SIN3A: variants seen among roughly 807,000 people sequenced by gnomAD.
SIN3A encodes the protein SIN3 transcription regulator family member A.
Under a neutral mutation model 146.1 loss-of-function variants are expected in SIN3A, and 14 were observed. That is an observed-to-expected ratio of 0.10 (90% CI 0.06 to 0.15). The LOEUF (loss-of-function observed/expected upper bound fraction) is 0.15, where lower values mean the gene tolerates loss of function less well. Among genes scored for constraint, SIN3A ranks in the 10% least tolerant of loss-of-function variants. The pLI, the probability that SIN3A is intolerant of heterozygous loss-of-function variation, is 1.00. For missense variants in SIN3A, 1,028 were observed against 1,576.0 expected (o/e 0.65, Z 5.89); for synonymous variants, 572 against 572.0 (o/e 1.00, Z 0.00).
chr15:75,444,154 T>A (rs1192184518), intron 1 of SIN3A, among the ~76,000 whole-genome samples: 1 of 152,210 alleles, frequency 6.6e-6, no homozygotes, highest in Non-Finnish European at 1.5e-5. Flanking sequence ...AAAATGAGTT[T>A]ATTCCTTTGG....
chr15:75,418,101 A>G (rs1238971725), intron 3 of SIN3A, among the ~76,000 whole-genome samples: 1 of 150,942 alleles, frequency 6.6e-6, no homozygotes, highest in Non-Finnish European at 1.5e-5. Context: ...GCACGATCTC[A>G]GCTCAATACA....
intron 1 of SIN3A, among the ~76,000 whole-genome samples, chr15:75,447,056 C>T (rs963868380): frequency 2.6e-5 from 4 of 152,164 alleles, no homozygotes; most frequent in Admixed American, 6.5e-5. Flanking sequence ...CATGGGCCAC[C>T]GCGCCCAGCT....
intron 3 of SIN3A, 42 bp from the exon 4 acceptor site, chr15:75,414,353 G>T: frequency 1.8e-6 from 2 of 1,102,834 alleles, no homozygotes; most frequent in Non-Finnish European, 2.5e-6. Context: ...AAGAAAGTAA[G>T]CTCATAATTA....
chr15:75,387,897 C>G (rs1263676761), intron 16 of SIN3A, among the ~76,000 whole-genome samples: 1 of 152,074 alleles, frequency 6.6e-6, no homozygotes, highest in Non-Finnish European at 1.5e-5. Context: ...CTGCCAGTTA[C>G]CATCCAGACC....
chr15:75,382,182 G>A (rs1400564093), intron 17 of SIN3A, among the ~76,000 whole-genome samples: 3 of 152,138 alleles, frequency 2.0e-5, no homozygotes, highest in African/African-American at 4.8e-5. Flanking sequence ...AGACAAAACT[G>A]AAATTCAGAA....
At position 75,430,288 on chromosome 15, in the gene SIN3A, G is replaced by A; in HGVS notation, c.88C>T (p.Gln30Ter). 1 of 1,614,152 alleles carries A rather than the reference G, an allele frequency of 6.2e-7. No homozygotes were observed. The highest frequency in any genetic ancestry group is 8.5e-7 in the Non-Finnish European group (1 of 1,180,028). The change falls in exon 2 of 21, where the codon CAG becomes TAG. Residue 30 changes from glutamine (Q) to a stop codon, truncating the protein, a stop_gained. Transcript: ENST00000394947. LOFTEE classifies it high-confidence loss of function. ...GGGGCAGGGGCAAGCACCCGGTGCTGGTGAGGAAAAGCCTCTGTGCTGCCA... is the reference window on the plus strand; with the variant it reads ...GGGGCAGGGGCAAGCACCCGGTGCTAGTGAGGAAAAGCCTCTGTGCTGCCA... ...IPGSTEAFPH[Q>*]HRVLAPAPPV...
chr15:75,441,892 G>A (rs1030951646), intron 1 of SIN3A, among the ~76,000 whole-genome samples: 11 of 151,720 alleles, frequency 7.3e-5, no homozygotes, highest in Non-Finnish European at 8.8e-5. Context: ...AGGCCGAGGC[G>A]GGTGGATCAC....
chr15:75,370,102 T>C lies in SIN3A; in HGVS notation c.*1877A>G, dbSNP rs1009833629. ...CTGTCTCTACAAAAAGTTAAAAAAT[T>C]AGCTGGGCGTGGTGGCATGCAGCTA... On this transcript the variant is annotated 3_prime_UTR_variant, in exon 21 of 21. Transcript: ENST00000394947. 4 of 151,762 alleles carry C rather than the reference T, an allele frequency of 2.6e-5. No individual in the cohort carries two copies. Among genetic ancestry groups the C allele is most frequent in the Non-Finnish European group, 5.9e-5 (4 of 67,918 alleles). The allele number at this position is 151,762 out of a possible 1,614,324, so 9.4% of individuals were successfully genotyped here. A position where few individuals can be genotyped will look rare whatever the true frequency, so the allele number is the denominator to read the frequency against.
At chr15:75,414,620 G>A (rs2073700484) in intron 3 of SIN3A, among the ~76,000 whole-genome samples, 1 of 152,134 alleles carries the variant, frequency 6.6e-6, no homozygotes, top group Admixed American at 6.6e-5. Flanking sequence ...AACATACCAG[G>A]CCCAATGTGA....
chr15:75,445,951 C>A (rs78428611), intron 1 of SIN3A, among the ~76,000 whole-genome samples: 26,455 of 152,034 alleles, frequency 0.17, 3,078 homozygotes, highest in Non-Finnish European at 0.26. Flanking sequence ...CTCTACCATG[C>A]TCAGCATACT....
At chr15:75,438,267 A>G (rs2074140338) in intron 1 of SIN3A, among the ~76,000 whole-genome samples, 1 of 152,138 alleles carries the variant, frequency 6.6e-6, no homozygotes, top group African/African-American at 2.4e-5. Flanking sequence ...CAGGAAGCTG[A>G]GACACAAGAA....
intron 2 of SIN3A, among the ~76,000 whole-genome samples, chr15:75,424,869 T>G (rs1054927862): frequency 2.6e-5 from 4 of 152,142 alleles, no homozygotes; most frequent in Admixed American, 2.6e-4. Flanking sequence ...CATTACAAAC[T>G]AGTAACAAAG....
intron 5 of SIN3A, 51 bp downstream of exon 5, chr15:75,412,712 G>A: frequency 6.9e-7 from 1 of 1,459,084 alleles, no homozygotes; most frequent in African/African-American, 1.4e-5. Flanking sequence ...TCAAAGGAAG[G>A]TGCTCTCTAG....
At chr15:75,448,866 C>T (rs1184359056) in intron 1 of SIN3A, among the ~76,000 whole-genome samples, 1 of 152,138 alleles carries the variant, frequency 6.6e-6, no homozygotes, top group Non-Finnish European at 1.5e-5. Context: ...CTACACACCT[C>T]CTTCCTTAAA....
intron 19 of SIN3A, among the ~76,000 whole-genome samples, chr15:75,378,186 A>C (rs1255529705): frequency 6.6e-6 from 1 of 152,260 alleles, no homozygotes; most frequent in Non-Finnish European, 1.5e-5. Context: ...AGATTCATTC[A>C]TGATACAAAA....
intron 18 of SIN3A, chr15:75,380,990 C>A: frequency 7.4e-6 from 2 of 268,826 alleles, no homozygotes; most frequent in Admixed American, 4.5e-5. Context: ...TGACAAGTTT[C>A]ATTTCCCCAC....
rs769890817 is a variant in SIN3A at position 75,400,868 on chromosome 15, A to G, written c.1599T>C (p.Tyr533=). The G allele has an allele frequency of 1.8e-5, 29 of 1,614,054 alleles. No individual in the cohort carries two copies. The highest frequency in any genetic ancestry group is 2.2e-5 in the East Asian group (1 of 44,894). ...GYKESVHLET[Y]PKERATEGIA... ...TGCCCTCTGTGGCTCGCTCCTTTGG[A>G]TAAGTTTCCAGATGTACAGACTCCT... The change falls in exon 11 of 21, where the codon TAT becomes TAC. Residue 533 remains tyrosine, a synonymous_variant. Transcript: ENST00000394947.
At chr15:75,434,381 G>A (rs1286835359) in intron 1 of SIN3A, among the ~76,000 whole-genome samples, 2 of 152,194 alleles carry the variant, frequency 1.3e-5, no homozygotes, top group African/African-American at 4.8e-5. Flanking sequence ...CGGGCGCGGT[G>A]GCTCATGCCT....
At chr15:75,378,035 T>C (rs571930022) in intron 19 of SIN3A, among the ~76,000 whole-genome samples, 4 of 152,372 alleles carry the variant, frequency 2.6e-5, no homozygotes, top group East Asian at 1.9e-4. Flanking sequence ...AAAGATGTGT[T>C]TGATGACCTA....
Sources: allele counts gnomAD v4.1 joint callset (sites outside exome capture counted in the v4.1 genomes callset), GRCh38; gene constraint gnomAD v4.1.1; transcripts MANE v1.5; gene names NCBI Gene and HGNC (gene_info 2026-07-23, HGNC 2026-07-21).